HHAT: variants seen among roughly 807,000 people sequenced by gnomAD.
HHAT encodes hedgehog acyltransferase, also known as protein-cysteine N-palmitoyltransferase HHAT.
HHAT carries 47 observed loss-of-function variants against 70.8 expected under a neutral mutation model. That is an observed-to-expected ratio of 0.66 (90% CI 0.53 to 0.85). HHAT has a LOEUF of 0.85. HHAT is among the 40% of genes least tolerant of loss of function. The pLI, the probability that HHAT is intolerant of heterozygous loss-of-function variation, is 0.00. For synonymous variants in HHAT, 228 were observed against 247.6 expected (o/e 0.92, Z 0.74); for missense variants, 609 against 604.8 (o/e 1.01, Z -0.07).
intron 9 of HHAT, among the ~76,000 whole-genome samples, chr1:210,556,068 C>T (rs945375585): frequency 3.9e-5 from 6 of 152,050 alleles, no homozygotes; most frequent in East Asian, 3.9e-4. Context: ...GGAGCCAGAA[C>T]GTTAGTGTGC....
chr1:210,410,487 G>A (rs900050899), intron 6 of HHAT, among the ~76,000 whole-genome samples: 30 of 143,342 alleles, frequency 2.1e-4, no homozygotes, highest in African/African-American at 7.6e-4. Context: ...AATGAAAGTT[G>A]GATTGTTTTT....
At chr1:210,542,697 G>A (rs2095443157) in intron 9 of HHAT, among the ~76,000 whole-genome samples, 1 of 152,038 alleles carries the variant, frequency 6.6e-6, no homozygotes, top group Non-Finnish European at 1.5e-5. Flanking sequence ...CCACTCAGGA[G>A]GCTGAGGTGG....
At chr1:210,486,054 T>C (rs1316311856) in intron 8 of HHAT, among the ~76,000 whole-genome samples, 3 of 152,218 alleles carry the variant, frequency 2.0e-5, no homozygotes, top group Non-Finnish European at 1.5e-5. Context: ...GCAGGAATTA[T>C]ACGTGCTTGA....
At chr1:210,577,853 C>T (rs1658252057) in intron 9 of HHAT, among the ~76,000 whole-genome samples, 9 of 151,820 alleles carry the variant, frequency 5.9e-5, no homozygotes. Flanking sequence ...ACCATGTTGG[C>T]CAGGCTGGTC....
chr1:210,628,361 A>G (rs1461834516), intron 11 of HHAT, among the ~76,000 whole-genome samples: 2 of 152,294 alleles, frequency 1.3e-5, no homozygotes, highest in East Asian at 3.9e-4. Context: ...ACATTTCCCA[A>G]GTGGTGGGGC....
At chr1:210,461,910 A>G (rs1572610292) in intron 7 of HHAT, among the ~76,000 whole-genome samples, 1 of 152,202 alleles carries the variant, frequency 6.6e-6, no homozygotes, top group African/African-American at 2.4e-5. Flanking sequence ...TGGTTTAAAA[A>G]AACCCCAAAA....
chr1:210,365,267 G>A (rs188769837), intron 3 of HHAT, among the ~76,000 whole-genome samples: 3 of 144,580 alleles, frequency 2.1e-5, no homozygotes, highest in African/African-American at 7.7e-5. Context: ...TCCCTTGAAT[G>A]TTAGTCTGCA....
intron 9 of HHAT, among the ~76,000 whole-genome samples, chr1:210,550,387 CTG>C (rs1240994966): frequency 6.7e-6 from 1 of 149,230 alleles, no homozygotes; most frequent in Non-Finnish European, 1.5e-5. Context: ...GCCTTTTACC[CTG>C]TGTGTGTCCT....
chr1:210,515,257 C>T (rs1368811416), intron 9 of HHAT, among the ~76,000 whole-genome samples: 2 of 152,104 alleles, frequency 1.3e-5, no homozygotes, highest in African/African-American at 4.8e-5. Flanking sequence ...GAGTAGATCT[C>T]TTCCTCTCCC....
intron 7 of HHAT, among the ~76,000 whole-genome samples, chr1:210,435,152 G>C (rs896663508): frequency 1.3e-5 from 2 of 151,614 alleles, no homozygotes; most frequent in African/African-American, 4.9e-5. Context: ...CCAGCCTCTG[G>C]TAAATCACCA....
chr1:210,511,385 T>A, intron 8 of HHAT, among the ~76,000 whole-genome samples: 1 of 152,230 alleles, frequency 6.6e-6, no homozygotes, highest in South Asian at 2.1e-4. Context: ...TTCTCACCTA[T>A]GCTGTGTCCA....
At chr1:210,334,178 A>ATTTTTTTTTTTTTTTCTTTTTT (rs2085260811) in intron 1 of HHAT, among the ~76,000 whole-genome samples, 1 of 99,956 alleles carries the variant, frequency 1.0e-5, no homozygotes, top group Non-Finnish European at 2.0e-5. Context: ...TTAGCGTGTC[A>ATTTTTTTTTTTTTTTCTTTTTT]TTTTTTTTTT....
intron 1 of HHAT, among the ~76,000 whole-genome samples, chr1:210,337,972 G>A (rs987789464): frequency 2.6e-5 from 4 of 152,296 alleles, no homozygotes; most frequent in Non-Finnish European, 4.4e-5. Flanking sequence ...AAAAGTGATG[G>A]TCTTGTCCTC....
intron 3 of HHAT, among the ~76,000 whole-genome samples, chr1:210,365,326 T>TTTTTTC (rs1293932748): frequency 7.2e-6 from 1 of 138,410 alleles, no homozygotes; most frequent in African/African-American, 2.8e-5. Context: ...TTTTTTTTTT[T>TTTTTTC]TTTTTTTTGA....
At chr1:210,367,697 G>C (rs1021568402) in intron 3 of HHAT, among the ~76,000 whole-genome samples, 1 of 152,144 alleles carries the variant, frequency 6.6e-6, no homozygotes, top group African/African-American at 2.4e-5. Flanking sequence ...ATGATGTTCA[G>C]GTTTGGAGGA....
chr1:210,453,628 A>G (rs1358095287), intron 7 of HHAT, among the ~76,000 whole-genome samples: 3 of 152,166 alleles, frequency 2.0e-5, no homozygotes, highest in Non-Finnish European at 2.9e-5. Flanking sequence ...GTGTACGGAC[A>G]ACTTCTTAGA....
intron 11 of HHAT, among the ~76,000 whole-genome samples, chr1:210,672,086 T>C (rs1680203999): frequency 6.6e-6 from 1 of 152,238 alleles, no homozygotes; most frequent in Non-Finnish European, 1.5e-5. Flanking sequence ...ACTCCATCCT[T>C]ATAAGGACAC....
chr1:210,431,836 A>G (rs1251745950), intron 7 of HHAT, among the ~76,000 whole-genome samples: 1 of 151,906 alleles, frequency 6.6e-6, no homozygotes, highest in Non-Finnish European at 1.5e-5. Flanking sequence ...TAGAGCAACT[A>G]CTTCTGAATA....
chr1:210,355,246 C>G (rs1011619606), intron 2 of HHAT, among the ~76,000 whole-genome samples: 11 of 152,178 alleles, frequency 7.2e-5, no homozygotes, highest in Non-Finnish European at 1.6e-4. Context: ...ATACCATCCA[C>G]AGATAATGAT....
Sources: gnomAD v4.1 joint callset for allele counts (sites outside exome capture counted in the v4.1 genomes callset) on GRCh38, gnomAD v4.1.1 for gene constraint, MANE v1.5 for transcripts, NCBI Gene and HGNC (gene_info 2026-07-23, HGNC 2026-07-21) for gene names.